Variants in KIAA0319L observed in about 807,000 individuals in gnomAD.
KIAA0319L encodes dyslexia-associated protein KIAA0319-like protein.
In KIAA0319L, 55 loss-of-function variants were observed where a neutral mutation model predicts 120.1. The ratio of observed to expected loss-of-function variants is 0.46; its 90% CI spans 0.37 to 0.57. KIAA0319L has a LOEUF of 0.57. Ranked by LOEUF, KIAA0319L falls within the 20% of genes least tolerant of loss-of-function variation. The pLI is 0.00. For synonymous variants in KIAA0319L, 398 were observed against 471.9 expected, an observed-to-expected ratio of 0.84 and a Z score of 2.03; for missense variants, 1,049 against 1,255.3, an observed-to-expected ratio of 0.84 and a Z score of 2.48.
At chr1:35,480,320 T>C (rs1474842788) in intron 3 of KIAA0319L, among the ~76,000 whole-genome samples, 1 of 152,002 alleles carries the variant, frequency 6.6e-6, no homozygotes, top group Non-Finnish European at 1.5e-5. Context: ...AATTTAAGGG[T>C]TGTATGCAAG....
chr1:35,516,817 G>T (rs1375226543), intron 2 of KIAA0319L, among the ~76,000 whole-genome samples: 8 of 152,130 alleles, frequency 5.3e-5, no homozygotes, highest in African/African-American at 1.9e-4. Context: ...CACAGTCTCG[G>T]CCCAAAAGCT....
chr1:35,525,344 TC>T (rs1454854485), intron 2 of KIAA0319L, among the ~76,000 whole-genome samples: 3 of 152,216 alleles, frequency 2.0e-5, no homozygotes, highest in Non-Finnish European at 4.4e-5. Flanking sequence ...TAATTTTCTT[TC>T]CTTTAGATAA....
At chr1:35,531,617 C>T (rs999215205) in intron 2 of KIAA0319L, among the ~76,000 whole-genome samples, 4 of 152,176 alleles carry the variant, frequency 2.6e-5, no homozygotes, top group African/African-American at 2.4e-5. Flanking sequence ...AGCACTCTCT[C>T]GTGGCTAGGA....
Position 35,449,983 on chromosome 1 carries a change from T to C in KIAA0319L, c.2237A>G (p.His746Arg), listed in dbSNP as rs147477734. The C allele has an allele frequency of 1.2e-6, 2 of 1,614,002 alleles. No individual in the cohort carries two copies. The highest frequency in any genetic ancestry group is 1.3e-5 in the African/African-American group (1 of 74,896). The stretch of plus-strand genomic sequence containing the variant: ...GTTTGAAAGAAAAAGGATAGGGTGA[T>C]GGTCAGAGTGATTTAACACCTCCTG... ...AAGEVLNHSD[H>R]HPILFLSNLV... The change falls in exon 15 of 21, where the codon CAT becomes CGT. Residue 746 changes from histidine to arginine, a missense_variant. By Grantham distance (29) the His-to-Arg change is conservative. Transcript: ENST00000325722.
intron 3 of KIAA0319L, among the ~76,000 whole-genome samples, chr1:35,504,657 C>T (rs1208790427): frequency 6.6e-6 from 1 of 152,132 alleles, no homozygotes; most frequent in Non-Finnish European, 1.5e-5. Flanking sequence ...TGCAAATTTC[C>T]AACTGCACAA....
chr1:35,489,962 G>A (rs1054523130), intron 3 of KIAA0319L, among the ~76,000 whole-genome samples: 2 of 151,974 alleles, frequency 1.3e-5, no homozygotes, highest in Non-Finnish European at 2.9e-5. Context: ...CACCATGCCT[G>A]GCTTTTGTTT....
chr1:35,451,858 T>A (rs1045976384), intron 12 of KIAA0319L, 82 bp from the exon 13 acceptor site: 1 of 1,427,520 alleles, frequency 7.0e-7, no homozygotes, highest in African/African-American at 1.4e-5. Flanking sequence ...AGACAATGAC[T>A]CCCTCAGCAA....
chr1:35,435,398 G>A (rs1640706442), intron 20 of KIAA0319L: 1 of 243,230 alleles, frequency 4.1e-6, no homozygotes, highest in African/African-American at 2.3e-5. Flanking sequence ...TTCAAATTTG[G>A]AATATTTTAT....
chr1:35,556,271 A>T (rs1258794746), intron 1 of KIAA0319L, among the ~76,000 whole-genome samples: 1 of 152,208 alleles, frequency 6.6e-6, no homozygotes, highest in Admixed American at 6.5e-5. Flanking sequence ...TTAATACTTC[A>T]GGTTGATGGG....
Position 35,456,162 on chromosome 1 carries a change from G to A in KIAA0319L, c.1507C>T (p.Pro503Ser), listed in dbSNP as rs778787484. 2 of 1,613,726 alleles carry A rather than the reference G, an allele frequency of 1.2e-6. No individual in the cohort carries two copies. The highest frequency in any genetic ancestry group is 2.2e-5 in the East Asian group (1 of 44,844). Residue 503 changes from proline (P) to serine (S), a missense_variant, in exon 10 of 21, where the codon CCT (proline) becomes TCT (serine). By Grantham distance (74) the Pro-to-Ser change is moderately conservative. Coordinates refer to ENST00000325722, the MANE Select transcript of KIAA0319L (RefSeq NM_024874.5). ...LTVNKAVDYP[P>S]VANAGPNQVI... The stretch of plus-strand genomic sequence containing the variant: ...TGGTTGGGGCCTGCGTTGGCCACAG[G>A]GGGGTAATCCACAGCTTTGTTCACT...
At chr1:35,467,008 C>T (rs548691247) in intron 6 of KIAA0319L, among the ~76,000 whole-genome samples, 2 of 151,954 alleles carry the variant, frequency 1.3e-5, no homozygotes, top group East Asian at 3.9e-4. Flanking sequence ...GAAAGGAGGG[C>T]TTGAGCCCGG....
chr1:35,442,764 A>C, intron 18 of KIAA0319L, 142 bp downstream of exon 18: 1 of 996,602 alleles, frequency 1.0e-6, no homozygotes. Context: ...GGAAGGAAGT[A>C]AAAGTCCTCT....
rs1645226986 is a variant in KIAA0319L at position 35,506,880 on chromosome 1, T to A, written c.398A>T (p.Lys133Ile). 2 of 1,614,096 alleles carry A rather than the reference T, an allele frequency of 1.2e-6. No homozygotes were observed. The highest frequency in any genetic ancestry group is 1.3e-5 in the African/African-American group (1 of 74,926). The change falls in exon 3 of 21, where the codon AAA becomes ATA. Residue 133 changes from lysine to isoleucine, a missense_variant. Coordinates refer to ENST00000325722, the MANE Select transcript of KIAA0319L (RefSeq NM_024874.5). This position sits in a 1 kb window ranked among gnomAD's most constrained non-coding sequence, Gnocchi z 4.0. ...SSNSMLVFLKKFQTADDLGFL... is the reference protein window; with the variant it reads ...SSNSMLVFLKIFQTADDLGFL... ...GCCCAAATCATCTGCAGTTTGGAAT[T>A]TTTTTAAAAACACCAGCATGGAATT...
At chr1:35,502,299 A>C (rs567983579) in intron 3 of KIAA0319L, among the ~76,000 whole-genome samples, 7 of 151,996 alleles carry the variant, frequency 4.6e-5, no homozygotes, top group African/African-American at 1.4e-4. Context: ...AGAAAAAAAA[A>C]ACAGGAACAG....
At chr1:35,529,100 A>G (rs958001895) in intron 2 of KIAA0319L, among the ~76,000 whole-genome samples, 1 of 151,800 alleles carries the variant, frequency 6.6e-6, no homozygotes, top group Non-Finnish European at 1.5e-5. Context: ...ATGAGGTCTC[A>G]CTATGTTGCC....
chr1:35,456,539 C>T (rs1163000616), intron 9 of KIAA0319L, among the ~76,000 whole-genome samples: 3 of 151,866 alleles, frequency 2.0e-5, no homozygotes, highest in East Asian at 1.9e-4. Context: ...AGGCCAGGTG[C>T]GTTGGCACAC....
chr1:35,454,429 G>A lies in KIAA0319L; in HGVS notation c.1713C>T (p.Tyr571=), dbSNP rs1210614620. ...CTATTGTGTCAGTCACTGTGAGCTG[G>A]TAAGTGTAGTCTCCTTCTTGCATCG... ...LSAMQEGDYT[Y]QLTVTDTIGQ... Residue 571 remains tyrosine (Y), a synonymous_variant, in exon 11 of 21, where the codon TAC becomes TAT. Coordinates refer to ENST00000325722, the MANE Select transcript of KIAA0319L (RefSeq NM_024874.5). 1.9e-6 allele frequency: 3 copies of A among 1,614,050 alleles called. No homozygotes were observed. The highest frequency in any genetic ancestry group is 1.6e-4 in the Middle Eastern group (1 of 6,084).
intron 2 of KIAA0319L, among the ~76,000 whole-genome samples, chr1:35,512,424 T>C (rs773377374): frequency 7.1e-6 from 1 of 141,832 alleles, no homozygotes; most frequent in Non-Finnish European, 1.5e-5. Context: ...AGGAAAGAAA[T>C]GATAAAGAGA....
At chr1:35,523,412 C>T (rs1646003253) in intron 2 of KIAA0319L, among the ~76,000 whole-genome samples, 1 of 152,124 alleles carries the variant, frequency 6.6e-6, no homozygotes, top group South Asian at 2.1e-4. Context: ...TCAACAAATG[C>T]ATAAATAAAT....
Sources: gnomAD v4.1 joint callset for allele counts (sites outside exome capture counted in the v4.1 genomes callset) on GRCh38, gnomAD v4.1.1 for gene constraint, Gnocchi (gnomAD v3.1) non-coding constraint, MANE v1.5 for transcripts, NCBI Gene and HGNC (gene_info 2026-07-23, HGNC 2026-07-21) for gene names.